The following ANK2 variants were observed in gnomAD, a reference collection of about 807,000 sequenced individuals.
ANK2 encodes the protein ankyrin-2.
A neutral mutation model predicts 360.5 loss-of-function variants in ANK2; 83 were observed. The observed-to-expected ratio is 0.23, with a 90% CI of 0.19 to 0.28. ANK2 has a LOEUF of 0.28. ANK2 is among the 10% of genes least tolerant of loss of function. The pLI is 1.00. For missense variants in ANK2, 4,201 were observed against 4,795.7 expected (o/e 0.88, Z 3.66); for synonymous variants, 1,740 against 1,759.5 (o/e 0.99, Z 0.28).
upstream of ANK2, among the ~76,000 whole-genome samples, chr4:113,049,231 G>A (rs979129218): frequency 1.3e-5 from 2 of 152,144 alleles, no homozygotes; most frequent in Non-Finnish European, 2.9e-5. Flanking sequence ...ATTCACTTTA[G>A]GATATTAATA....
At chr4:112,731,628 G>GTCCCCA in the ANK2 span, among the ~76,000 whole-genome samples, 1 of 152,040 alleles carries the variant, frequency 6.6e-6, no homozygotes, top group Non-Finnish European at 1.5e-5. Context: ...CTATTTCAGA[G>GTCCCCA]GCTGTGAGGT....
Position 113,355,067 on chromosome 4 carries a change from A to G in ANK2, c.6449A>G (p.Tyr2150Cys). The part of the protein sequence containing the change: ...IKQELEDNDK[Y>C]QQFRLSEETE... Reference sequence around the variant, plus strand: ...CAAGAGTTGGAAGACAATGACAAATACCAACAATTCCGCCTGAGTGAGGAG... The same window carrying G: ...CAAGAGTTGGAAGACAATGACAAATGCCAACAATTCCGCCTGAGTGAGGAG... Residue 2150 changes from tyrosine (Y) to cysteine (C), a missense_variant, in exon 38 of 46, where the codon TAC becomes TGC. This residue lies in a region of ANK2 where 2,642 missense variants were observed against 2,714.5 expected (regional missense o/e 0.97). Coordinates refer to ENST00000357077, the MANE Select transcript of ANK2 (RefSeq NM_001148.6). 6.2e-7 allele frequency: 1 copy of G among 1,614,142 alleles called. No homozygotes were observed. The highest frequency in any genetic ancestry group is 1.1e-5 in the South Asian group (1 of 91,086).
intron 13 of ANK2, among the ~76,000 whole-genome samples, chr4:113,261,140 T>C (rs1301081261): frequency 6.6e-6 from 1 of 152,180 alleles, no homozygotes; most frequent in East Asian, 1.9e-4. Flanking sequence ...GCCTGAAAAT[T>C]CACTCCAAGT....
chr4:113,350,161 T>TA lies in ANK2; in HGVS notation c.4405-67_4405-66insA, dbSNP rs1248577126. Reference sequence around the variant, plus strand: ...TATAATTATGAATAGGAGCTTTTTGTGCACACCAGGGGCTATGAGCCAAGG... The same window carrying TA: ...TATAATTATGAATAGGAGCTTTTTGTAGCACACCAGGGGCTATGAGCCAAGG... On this transcript the variant is annotated intron_variant, in intron 36 of 45. Transcript: ENST00000357077. The TA allele has an allele frequency of 4.8e-5, 69 of 1,447,630 alleles. 3 individuals are homozygous for TA. In the Middle Eastern group the frequency reaches 5.9e-3, roughly 124 times the overall value. 89.7% of individuals were successfully genotyped at this position (1,447,630 alleles called of 1,614,324 possible).
chr4:112,851,358 G>C (rs1353538893), intron 1 of ANK2, among the ~76,000 whole-genome samples: 1 of 152,150 alleles, frequency 6.6e-6, no homozygotes, highest in Non-Finnish European at 1.5e-5. Flanking sequence ...AGGGGTGAGC[G>C]AGGAGGTGGA....
chr4:113,336,096 G>A (rs1311059898), intron 30 of ANK2, 39 bp downstream of exon 30: 1 of 1,594,144 alleles, frequency 6.3e-7, no homozygotes, highest in Admixed American at 1.7e-5. Flanking sequence ...TAACAGGATT[G>A]TATTCTAATG....
At chr4:112,864,359 G>A (rs573491973) in intron 1 of ANK2, among the ~76,000 whole-genome samples, 109 of 152,200 alleles carry the variant, frequency 7.2e-4, no homozygotes, top group African/African-American at 2.5e-3. Flanking sequence ...GCCCAGGCTG[G>A]AGTGCAATGG....
At chr4:113,056,966 A>G (rs1255734462) in intron 1 of ANK2, among the ~76,000 whole-genome samples, 1 of 152,202 alleles carries the variant, frequency 6.6e-6, no homozygotes, top group East Asian at 1.9e-4. Flanking sequence ...AATGAAATTC[A>G]GTTTCTAAGA....
intron 36 of ANK2, among the ~76,000 whole-genome samples, 180 bp downstream of exon 36, chr4:113,348,488 G>A (rs1466889505): frequency 2.0e-5 from 3 of 152,030 alleles, no homozygotes; most frequent in Admixed American, 6.6e-5. Context: ...CAACTTAAGG[G>A]AATAGTAAAG....
chr4:112,722,511 TC>T, the ANK2 span, among the ~76,000 whole-genome samples: 1 of 152,164 alleles, frequency 6.6e-6, no homozygotes, highest in Non-Finnish European at 1.5e-5. Flanking sequence ...GCTCAGTGGC[TC>T]AATAGTGTCA....
rs145392753 is a variant in ANK2, at chr4:112,865,707, C to A, written c.-39-38748C>A. On this transcript the variant is annotated intron_variant, in intron 1 of 30. Coordinates refer to the ANK2 transcript ENST00000503271. ...TACTGTATCTAATCTAATTATATAA[C>A]CATTAGAAAAATGTAAATATTCTTA... Among the ~76,000 whole-genome samples, 222 of 152,152 alleles carry A rather than the reference C, an allele frequency of 1.5e-3. 1 individual carries two copies. Among genetic ancestry groups the A allele is most frequent in the Non-Finnish European group, 2.4e-3 (166 of 67,992 alleles).
the ANK2 span, among the ~76,000 whole-genome samples, chr4:112,793,644 A>G: frequency 6.6e-6 from 1 of 151,842 alleles, no homozygotes; most frequent in South Asian, 2.1e-4. Flanking sequence ...TGATTTTGTT[A>G]TATACTGTCT....
chr4:113,330,139 A>C, intron 26 of ANK2, 107 bp from the exon 27 acceptor site: 1 of 1,130,074 alleles, frequency 8.8e-7, no homozygotes, highest in Admixed American at 2.1e-5. Flanking sequence ...CATTTAAATA[A>C]AAAAGAGAGA....
At chr4:113,186,053 A>G (rs1028864058) in intron 2 of ANK2, among the ~76,000 whole-genome samples, 4 of 152,198 alleles carry the variant, frequency 2.6e-5, no homozygotes, top group Non-Finnish European at 5.9e-5. Flanking sequence ...GAGCTCTGCT[A>G]AGGGACAGAC....
chr4:112,876,366 C>T (rs1239796336), intron 1 of ANK2, among the ~76,000 whole-genome samples: 1 of 151,844 alleles, frequency 6.6e-6, no homozygotes, highest in African/African-American at 2.4e-5. Context: ...CAGTGGATTC[C>T]AGCAGAAAGC....
At chr4:112,832,042 C>T (rs1191805743) in intron 1 of ANK2, among the ~76,000 whole-genome samples, 2 of 152,132 alleles carry the variant, frequency 1.3e-5, no homozygotes, top group African/African-American at 4.8e-5. Context: ...TTGAAGTCAG[C>T]GAGACCAAGA....
intron 37 of ANK2, 92 bp from the exon 38 acceptor site, chr4:113,352,953 A>G (rs533779129): frequency 6.8e-7 from 1 of 1,461,610 alleles, no homozygotes; most frequent in African/African-American, 1.4e-5. Flanking sequence ...CCACCACAGG[A>G]AAAGACGCTG....
intron 2 of ANK2, among the ~76,000 whole-genome samples, chr4:113,017,806 A>T (rs990478620): frequency 2.0e-5 from 3 of 152,192 alleles, no homozygotes; most frequent in Admixed American, 1.3e-4. Context: ...ATGGTATGTG[A>T]TGCAATGGGA....
At chr4:112,840,051 G>A (rs113728627) in intron 1 of ANK2, among the ~76,000 whole-genome samples, 118 of 152,304 alleles carry the variant, frequency 7.7e-4, no homozygotes, top group African/African-American at 2.8e-3. Flanking sequence ...GCTAGGTCTT[G>A]TGCTATGTGC....
Sources: allele counts gnomAD v4.1 joint callset (sites outside exome capture counted in the v4.1 genomes callset), GRCh38; gene constraint gnomAD v4.1.1; regional missense constraint gnomAD v4.1.1; transcripts MANE v1.5; gene names NCBI Gene and HGNC (gene_info 2026-07-23, HGNC 2026-07-21).